The following TRIM71 variants were observed in gnomAD, a reference collection of about 807,000 sequenced individuals.
TRIM71 encodes the protein tripartite motif containing 71.
In TRIM71, 9 loss-of-function variants were observed where a neutral mutation model predicts 61.2. The observed-to-expected ratio is 0.15, with a 90% CI of 0.09 to 0.26. The LOEUF (loss-of-function observed/expected upper bound fraction) is 0.26. Among genes scored for constraint, TRIM71 ranks in the 10% least tolerant of loss-of-function variants. The pLI, the probability that TRIM71 is intolerant of heterozygous loss-of-function variation, is 1.00. For synonymous variants in TRIM71, 645 were observed against 553.2 expected (o/e 1.17, Z -2.33); for missense variants, 998 against 1,238.7 (o/e 0.81, Z 2.92).
intron 2 of TRIM71, among the ~76,000 whole-genome samples, chr3:32,882,457 C>T (rs1696919780): frequency 6.6e-6 from 1 of 152,130 alleles, no homozygotes; most frequent in Admixed American, 6.5e-5. Context: ...TGCCATGTGA[C>T]ACTGGGGCTG....
intron 1 of TRIM71, among the ~76,000 whole-genome samples, chr3:32,821,186 G>C (rs183776133): frequency 6.6e-6 from 1 of 152,172 alleles, no homozygotes; most frequent in Non-Finnish European, 1.5e-5. Context: ...CTGGGAAGGA[G>C]CTTTAGGACA....
In TRIM71 at chr3:32,837,539, G is replaced by A. The variant is rs188967415; in HGVS notation, c.852+18607G>A. On this transcript the variant is annotated intron_variant, in intron 1 of 3. Coordinates refer to ENST00000383763, the MANE Select transcript of TRIM71 (RefSeq NM_001039111.3). Reference sequence around the variant, plus strand: ...GATAGTTGTAAAACTTACTAACGTCGCCGGGCGTGGTGGCTCATGCCTGTA... The same window carrying A: ...GATAGTTGTAAAACTTACTAACGTCACCGGGCGTGGTGGCTCATGCCTGTA... Among the ~76,000 whole-genome samples, 500 of 152,284 alleles carry A rather than the reference G, an allele frequency of 3.3e-3. 3 individuals carry two copies. The highest frequency in any genetic ancestry group is 0.011 in the African/African-American group (464 of 41,554).
At chr3:32,829,320 G>A (rs1282797225) in intron 1 of TRIM71, among the ~76,000 whole-genome samples, 5 of 151,966 alleles carry the variant, frequency 3.3e-5, no homozygotes, top group African/African-American at 1.2e-4. Flanking sequence ...GAGTAGCTGG[G>A]ATTACAGGCA....
rs190800381 is a variant in TRIM71 at position 32,857,712 on chromosome 3, T to G, written c.853-16106T>G. On this transcript the variant is annotated intron_variant, in intron 1 of 3. Coordinates refer to ENST00000383763, the MANE Select transcript of TRIM71 (RefSeq NM_001039111.3). The stretch of plus-strand genomic sequence containing the variant: ...ATGGCCAGGTGCAGTGGCTCATGCC[T>G]GTAATCCCAGCACTTCAGGAGGCCG... Among the ~76,000 whole-genome samples, 22 of 152,352 alleles carry G rather than the reference T, an allele frequency of 1.4e-4. No homozygotes were observed. In the Middle Eastern group the frequency reaches 0.014, roughly 94 times the overall value.
In TRIM71 at chr3:32,818,070, C is replaced by T; in HGVS notation, c.-11C>T. On this transcript the variant is annotated 5_prime_UTR_variant, in exon 1 of 4. Coordinates refer to ENST00000383763, the MANE Select transcript of TRIM71 (RefSeq NM_001039111.3). ...TCTCTGGTCTCCTCCCTCCTCCGGGCTGGGTTGCAAATGGCTTCGTTCCCC... is the reference window on the plus strand; with the variant it reads ...TCTCTGGTCTCCTCCCTCCTCCGGGTTGGGTTGCAAATGGCTTCGTTCCCC... 1 of 1,609,798 alleles carries T rather than the reference C, an allele frequency of 6.2e-7. No homozygotes were observed. The highest frequency in any genetic ancestry group is 8.5e-7 in the Non-Finnish European group (1 of 1,177,576).
At chr3:32,830,725 A>G (rs997240214) in intron 1 of TRIM71, among the ~76,000 whole-genome samples, 1 of 152,208 alleles carries the variant, frequency 6.6e-6, no homozygotes, top group Non-Finnish European at 1.5e-5. Flanking sequence ...GAAGATGCCC[A>G]AAGTCTGCCT....
intron 1 of TRIM71, among the ~76,000 whole-genome samples, chr3:32,824,026 G>A (rs369970327): frequency 4.0e-4 from 61 of 151,558 alleles, no homozygotes; most frequent in Middle Eastern, 3.4e-3. Flanking sequence ...AGTGATCCGA[G>A]ATCGTGCCGC....
chr3:32,859,034 G>A (rs1167157756), intron 1 of TRIM71, among the ~76,000 whole-genome samples: 2 of 152,134 alleles, frequency 1.3e-5, no homozygotes, highest in African/African-American at 2.4e-5. Context: ...TAGGGCAGAA[G>A]TGTGGGGTTT....
intron 3 of TRIM71, among the ~76,000 whole-genome samples, chr3:32,889,014 C>G (rs1696993524): frequency 6.6e-6 from 1 of 152,198 alleles, no homozygotes; most frequent in Admixed American, 6.5e-5. Context: ...TCCCTCAGTG[C>G]TCTTTGTCTG....
At chr3:32,851,229 G>A (rs1267471392) in intron 1 of TRIM71, among the ~76,000 whole-genome samples, 1 of 152,120 alleles carries the variant, frequency 6.6e-6, no homozygotes, top group Non-Finnish European at 1.5e-5. Context: ...AATTTCTTAA[G>A]TAGATGGTGA....
intron 1 of TRIM71, among the ~76,000 whole-genome samples, chr3:32,825,236 G>A (rs547723905): frequency 7.2e-5 from 11 of 152,250 alleles, no homozygotes; most frequent in African/African-American, 1.9e-4. Flanking sequence ...CTGAAAAAAG[G>A]AACTAATAAT....
chr3:32,855,742 C>G (rs920360715), intron 1 of TRIM71, among the ~76,000 whole-genome samples: 2 of 152,038 alleles, frequency 1.3e-5, no homozygotes, highest in African/African-American at 4.8e-5. Flanking sequence ...CAGAGAGACC[C>G]CAGTATAAGC....
At chr3:32,820,530 C>A (rs1696115678) in intron 1 of TRIM71, among the ~76,000 whole-genome samples, 1 of 152,258 alleles carries the variant, frequency 6.6e-6, no homozygotes, top group African/African-American at 2.4e-5. Flanking sequence ...ATCCCAGGAA[C>A]AGAAAAATGG....
At chr3:32,834,906 A>G (rs1010480591) in intron 1 of TRIM71, among the ~76,000 whole-genome samples, 3 of 152,334 alleles carry the variant, frequency 2.0e-5, no homozygotes, top group Admixed American at 2.0e-4. Flanking sequence ...GGTCTACTGC[A>G]TAATCTGAGC....
intron 1 of TRIM71, among the ~76,000 whole-genome samples, chr3:32,866,146 A>T (rs770376574): frequency 1.3e-5 from 2 of 150,266 alleles, no homozygotes; most frequent in Non-Finnish European, 3.0e-5. Flanking sequence ...TTAAAACATG[A>T]TGCTTCCAGG....
rs781509970 is a variant in TRIM71, at chr3:32,891,766, G to A, written c.2562G>A (p.Met854Ile). The change falls in exon 4 of 4, where the codon ATG becomes ATA. Residue 854 changes from methionine to isoleucine, a missense_variant. Coordinates refer to ENST00000383763, the MANE Select transcript of TRIM71 (RefSeq NM_001039111.3). This position sits in a 1 kb window ranked among gnomAD's most constrained non-coding sequence, Gnocchi z 8.2. ...PSGIAITPDG[M>I]IVVVDFGNNR... ...GCATCGCCATCACCCCCGACGGAAT[G>A]ATCGTTGTGGTGGACTTTGGCAACA... 4 of 1,613,978 alleles carry A rather than the reference G, an allele frequency of 2.5e-6. No individual in the cohort carries two copies. In the African/African-American group the frequency reaches 5.3e-5, roughly 22 times the overall value.
chr3:32,895,668 T>G lies in TRIM71; in HGVS notation c.*3857T>G, dbSNP rs1697069892. On this transcript the variant is annotated 3_prime_UTR_variant, in exon 4 of 4. Transcript: ENST00000383763. ...CACTCTGAATGAGTTTCCAACAGTC[T>G]GGGGCTGTATAAAAGTCACACTCTT... is the stretch of plus-strand genomic sequence containing the variant. 6.6e-6 allele frequency: 1 copy of G among 152,202 alleles called. No individual in the cohort carries two copies. Among genetic ancestry groups the G allele is most frequent in the Non-Finnish European group, 1.5e-5 (1 of 68,036 alleles). 9.4% of individuals were successfully genotyped at this position (152,202 alleles called of 1,614,324 possible). A position where few individuals can be genotyped will look rare whatever the true frequency, so the allele number is the denominator to read the frequency against.
rs71068090 is a variant in TRIM71, at chr3:32,826,582, C to CTTTTTTTTTTTT, written c.852+7661_852+7672dup. The stretch of plus-strand genomic sequence containing the variant: ...AACTTTAATTCCCATCAGGTGAGTT[C>CTTTTTTTTTTTT]TTTTTTTTTTTTTTTTTTTTTTGAG... On this transcript the variant is annotated intron_variant, in intron 1 of 3. Coordinates refer to ENST00000383763, the MANE Select transcript of TRIM71 (RefSeq NM_001039111.3). Among the ~76,000 whole-genome samples, 20 of 83,092 alleles carry CTTTTTTTTTTTT rather than the reference C, an allele frequency of 2.4e-4. 3 individuals carry two copies. The highest frequency in any genetic ancestry group is 6.7e-4 in the African/African-American group (13 of 19,382). 54.5% of individuals were successfully genotyped at this position (83,092 alleles called of 152,430 possible).
chr3:32,881,023 A>G (rs141831082), intron 2 of TRIM71, among the ~76,000 whole-genome samples: 26 of 151,718 alleles, frequency 1.7e-4, no homozygotes, highest in African/African-American at 5.5e-4. Context: ...ATATGTATAT[A>G]TATATATTTT....
Sources: gnomAD v4.1 joint callset for allele counts (sites outside exome capture counted in the v4.1 genomes callset) on GRCh38, gnomAD v4.1.1 for gene constraint, Gnocchi (gnomAD v3.1) non-coding constraint, MANE v1.5 for transcripts, NCBI Gene and HGNC (gene_info 2026-07-23, HGNC 2026-07-21) for gene names.